Variants in OSBPL10 observed in about 807,000 individuals in gnomAD.
OSBPL10 encodes oxysterol-binding protein-related protein 10.
In OSBPL10, 49 loss-of-function variants were observed where a neutral mutation model predicts 81.7. The observed-to-expected ratio is 0.60, with a 90% confidence interval of 0.48 to 0.76. The LOEUF is 0.76. OSBPL10 is among the 30% of genes least tolerant of loss of function. The pLI is 0.00. For missense variants in OSBPL10, 923 were observed against 987.8 expected (o/e 0.93, Z 0.88); for synonymous variants, 419 against 383.6 (o/e 1.09, Z -1.08).
At chr3:31,989,094 A>G (rs763663654) in intron 2 of OSBPL10, 24 of 1,613,974 alleles carry the variant, frequency 1.5e-5, no homozygotes, top group Non-Finnish European at 2.0e-5. Context: ...TACGTGAGGA[A>G]GCAGCTCAGA....
chr3:32,051,566 C>A (rs72858427), intron 1 of OSBPL10, among the ~76,000 whole-genome samples: 3,049 of 152,234 alleles, frequency 0.02, 102 homozygotes, highest in African/African-American at 0.067. Context: ...GGCTAGTTCC[C>A]TCTCTTTGGA....
intron 3 of OSBPL10, among the ~76,000 whole-genome samples, chr3:31,836,174 G>A (rs1394250215): frequency 2.6e-5 from 4 of 152,212 alleles, no homozygotes; most frequent in South Asian, 2.1e-4. Flanking sequence ...CCAGAAATAC[G>A]AGTTTCAACA....
chr3:31,848,304 C>G (rs539928626), intron 3 of OSBPL10, among the ~76,000 whole-genome samples: 1 of 151,472 alleles, frequency 6.6e-6, no homozygotes, highest in South Asian at 2.1e-4. Context: ...TCTGCTTGTC[C>G]TAGAAGAATT....
rs570492982 is a variant in OSBPL10, at chr3:32,067,267, T to C, written n.185+10129A>G. Among the ~76,000 whole-genome samples the C allele has an allele frequency of 2.0e-5, 3 of 152,210 alleles. No homozygotes were observed. In the East Asian group the frequency reaches 5.8e-4, roughly 29 times the overall value. ...TTGACAGTCTCAATTCTAAGTCAATTTATATCTTGCCTTCCCAAGTGGGAC... is the reference window on the plus strand; with the variant it reads ...TTGACAGTCTCAATTCTAAGTCAATCTATATCTTGCCTTCCCAAGTGGGAC... On this transcript the variant is annotated intron_variant and non_coding_transcript_variant, in intron 1 of 3. Coordinates refer to the OSBPL10 transcript ENST00000479173.
At position 31,981,048 on chromosome 3, in the gene OSBPL10, CGACCGGCTGGA is replaced by C; in HGVS notation, c.121_131del (p.Ser41GlyfsTer20). 6.1e-6 allele frequency: 9 copies of C among 1,480,868 alleles called. No homozygotes were observed. The highest frequency in any genetic ancestry group is 8.0e-6 in the Non-Finnish European group (9 of 1,119,878). 91.7% of individuals were successfully genotyped at this position (1,480,868 alleles called of 1,614,324 possible). On this transcript the variant is annotated frameshift_variant, in exon 1 of 12. Coordinates refer to ENST00000396556, the MANE Select transcript of OSBPL10 (RefSeq NM_017784.5). LOFTEE classifies it high-confidence loss of function. This position sits in a 1 kb window ranked among gnomAD's most constrained non-coding sequence, Gnocchi z 4.5. ...CCCCGCCGCCGAGCCCGGCCGCCGC[CGACCGGCTGGA>C]GACCCCCCGGCCCGCCAGAGAGCAG...
At chr3:31,773,668 T>C (rs1328737039) in intron 4 of OSBPL10, among the ~76,000 whole-genome samples, 3 of 152,170 alleles carry the variant, frequency 2.0e-5, no homozygotes, top group Admixed American at 1.3e-4. Flanking sequence ...AAGGTAGGTC[T>C]AAAGGTCTGA....
chr3:31,889,611 C>A (rs1695836306), intron 1 of OSBPL10, among the ~76,000 whole-genome samples: 2 of 151,676 alleles, frequency 1.3e-5, no homozygotes, highest in African/African-American at 2.4e-5. Flanking sequence ...AAAAAATTGA[C>A]CTCCTAGAAA....
chr3:31,986,329 G>A (rs1410194931), intron 2 of OSBPL10: 2 of 152,258 alleles, frequency 1.3e-5, no homozygotes, highest in Non-Finnish European at 2.9e-5. Flanking sequence ...CAAGTCCAGT[G>A]TTCTTGCTGC....
intron 6 of OSBPL10, among the ~76,000 whole-genome samples, chr3:31,707,905 A>T (rs1411913991): frequency 6.6e-6 from 1 of 152,146 alleles, no homozygotes; most frequent in Non-Finnish European, 1.5e-5. Flanking sequence ...AGAAAAATAA[A>T]GAGTGTGGAG....
intron 4 of OSBPL10, among the ~76,000 whole-genome samples, chr3:31,805,930 C>CTTGGGGAAGAGCTGTTCTTCCCTTA (rs1699511516): frequency 6.6e-6 from 1 of 152,226 alleles, no homozygotes; most frequent in Non-Finnish European, 1.5e-5. Context: ...CTAAGCTCTA[C>CTTGGGGAAGAGCTGTTCTTCCCTTA]ACTTGTCTTT....
intron 4 of OSBPL10, among the ~76,000 whole-genome samples, chr3:31,809,443 G>A (rs527642922): frequency 2.0e-5 from 3 of 152,326 alleles, no homozygotes; most frequent in South Asian, 4.1e-4. Context: ...CACTTCAGCT[G>A]GATAACTATG....
intron 4 of OSBPL10, among the ~76,000 whole-genome samples, chr3:31,767,222 T>C (rs1360354049): frequency 6.6e-6 from 1 of 152,330 alleles, no homozygotes; most frequent in African/African-American, 2.4e-5. Context: ...GTTTTGCTCA[T>C]GCAGTTGTGA....
At chr3:31,809,230 A>T (rs1339918134) in intron 4 of OSBPL10, among the ~76,000 whole-genome samples, 1 of 152,234 alleles carries the variant, frequency 6.6e-6, no homozygotes, top group Non-Finnish European at 1.5e-5. Context: ...ACAAACAATA[A>T]AAGAATATAT....
intron 1 of OSBPL10, among the ~76,000 whole-genome samples, chr3:32,053,744 C>T (rs1699686536): frequency 6.6e-6 from 1 of 152,126 alleles, no homozygotes; most frequent in South Asian, 2.1e-4. Context: ...GAGGCTGAGG[C>T]AGGTGGATCA....
intron 3 of OSBPL10, among the ~76,000 whole-genome samples, chr3:31,848,196 A>G (rs1338693258): frequency 1.3e-5 from 2 of 151,960 alleles, no homozygotes; most frequent in Admixed American, 6.6e-5. Context: ...AGGATTCTAT[A>G]TACTCCGGCA....
At chr3:31,860,219 T>A (rs951032317) in intron 3 of OSBPL10, among the ~76,000 whole-genome samples, 1 of 152,184 alleles carries the variant, frequency 6.6e-6, no homozygotes, top group Non-Finnish European at 1.5e-5. Context: ...AACCTCTGCA[T>A]CATTCACTGC....
intron 1 of OSBPL10, among the ~76,000 whole-genome samples, chr3:31,904,255 A>C (rs1176672207): frequency 6.6e-6 from 1 of 152,156 alleles, no homozygotes; most frequent in African/African-American, 2.4e-5. Flanking sequence ...CCAGACTGGC[A>C]GGAAACCAGA....
intron 1 of OSBPL10, among the ~76,000 whole-genome samples, chr3:31,903,574 TC>T (rs1696317891): frequency 1.3e-5 from 2 of 152,174 alleles, no homozygotes; most frequent in Non-Finnish European, 2.9e-5. Context: ...CAAACAATCC[TC>T]CCACCTCAGC....
chr3:31,924,841 CA>C (rs75090697), intron 1 of OSBPL10, among the ~76,000 whole-genome samples: 10,211 of 152,044 alleles, frequency 0.067, 457 homozygotes, highest in East Asian at 0.18. Flanking sequence ...CAAAAACAAG[CA>C]GCAGACTAGA....
Sources: allele counts gnomAD v4.1 joint callset (sites outside exome capture counted in the v4.1 genomes callset), GRCh38; gene constraint gnomAD v4.1.1; non-coding constraint Gnocchi (gnomAD v3.1); transcripts MANE v1.5; gene names NCBI Gene and HGNC (gene_info 2026-07-23, HGNC 2026-07-21).